Variants in SH3D19 observed in about 807,000 individuals in gnomAD.
SH3D19 encodes the protein SH3 domain containing 19, also known as SH3 domain-containing protein 19.
A neutral mutation model predicts 112.1 loss-of-function variants in SH3D19; 58 were observed. The ratio of observed to expected loss-of-function variants is 0.52; its 90% CI spans 0.42 to 0.64. The LOEUF is 0.64. SH3D19 is among the 30% of genes least tolerant of loss of function. The pLI is 0.00. For missense variants in SH3D19, 1,090 were observed against 1,263.4 expected, an observed-to-expected ratio of 0.86 and a Z score of 2.08; for synonymous variants, 391 against 448.5, an observed-to-expected ratio of 0.87 and a Z score of 1.62.
intron 2 of SH3D19, among the ~76,000 whole-genome samples, chr4:151,206,313 T>TTG (rs369825534): frequency 2.0e-5 from 3 of 152,128 alleles, no homozygotes; most frequent in Non-Finnish European, 4.4e-5. Context: ...AAGGTTTTTT[T>TTG]TGTGTGTGTG....
intron 1 of SH3D19, among the ~76,000 whole-genome samples, chr4:151,276,513 C>T (rs1291892739): frequency 6.6e-6 from 1 of 152,132 alleles, no homozygotes; most frequent in Non-Finnish European, 1.5e-5. Context: ...CTTCTTAGCT[C>T]AGTACAGAAA....
Position 151,179,352 on chromosome 4 carries a change from T to C in SH3D19, c.236+3A>G. 1 of 1,226,066 alleles carries C rather than the reference T, an allele frequency of 8.2e-7. No individual in the cohort carries two copies. The highest frequency in any genetic ancestry group is 1.0e-6 in the Non-Finnish European group (1 of 982,654). 75.9% of individuals were successfully genotyped at this position (1,226,066 alleles called of 1,614,324 possible). ...ATGTCCTCCATTATAAATATAACCA[T>C]ACCTTCTATCTCGATGAAGTTCACT... On this transcript the variant is annotated splice_donor_region_variant and intron_variant, in intron 4 of 19. Transcript: ENST00000604030.
intron 1 of SH3D19, among the ~76,000 whole-genome samples, chr4:151,242,982 G>T (rs1770674702): frequency 6.6e-6 from 1 of 152,198 alleles, no homozygotes; most frequent in Non-Finnish European, 1.5e-5. Context: ...AAGAGAATAT[G>T]CAGAAGAAAT....
At chr4:151,263,810 T>C (rs1772562031) in intron 1 of SH3D19, among the ~76,000 whole-genome samples, 1 of 113,306 alleles carries the variant, frequency 8.8e-6, no homozygotes, top group African/African-American at 2.7e-5. Context: ...TTGTTGTTGT[T>C]GTTGTTGTTG....
intron 7 of SH3D19, among the ~76,000 whole-genome samples, chr4:151,169,909 C>T (rs1561273536): frequency 6.6e-6 from 1 of 152,134 alleles, no homozygotes; most frequent in Non-Finnish European, 1.5e-5. Flanking sequence ...ACAAACAAAA[C>T]AACCTGAATG....
At chr4:151,192,094 G>A (rs758068072) in intron 2 of SH3D19, among the ~76,000 whole-genome samples, 6 of 145,462 alleles carry the variant, frequency 4.1e-5, no homozygotes, top group Admixed American at 1.4e-4. Context: ...CAGGTGCCAC[G>A]ACCAGCTAAT....
intron 1 of SH3D19, among the ~76,000 whole-genome samples, chr4:151,231,400 A>C (rs1401492603): frequency 6.6e-6 from 1 of 152,188 alleles, no homozygotes; most frequent in Non-Finnish European, 1.5e-5. Flanking sequence ...CATACACTTG[A>C]AAAGAAGGCA....
chr4:151,295,364 G>A (rs1278126916), intron 1 of SH3D19, among the ~76,000 whole-genome samples: 1 of 152,228 alleles, frequency 6.6e-6, no homozygotes, highest in Non-Finnish European at 1.5e-5. Flanking sequence ...AGAGCTGAGT[G>A]AAACAAGGAC....
chr4:151,229,384 G>C (rs922627918), intron 1 of SH3D19, among the ~76,000 whole-genome samples: 4 of 152,134 alleles, frequency 2.6e-5, no homozygotes, highest in African/African-American at 7.2e-5. Flanking sequence ...ACTTATTCCA[G>C]GGGCCTGCCC....
At position 151,132,461 on chromosome 4, in the gene SH3D19, T is replaced by TGAGGTGG. The variant is rs1309118730; in HGVS notation, c.2690-85_2690-79dup. 10 of 1,334,824 alleles carry TGAGGTGG rather than the reference T, an allele frequency of 7.5e-6. No homozygotes were observed. The African/African-American group carries it at 1.3e-4, about 17-fold the overall frequency. 82.7% of individuals were successfully genotyped at this position (1,334,824 alleles called of 1,614,324 possible). ...CCACATAGTATTAAAAACAAATGGT[T>TGAGGTGG]GAGGTGGGAGGTGGGAGTGAAGACT... On this transcript the variant is annotated intron_variant, in intron 16 of 19. Coordinates refer to ENST00000604030, the MANE Select transcript of SH3D19 (RefSeq NM_001378122.1).
chr4:151,214,396 A>T (rs1766549299), intron 2 of SH3D19, among the ~76,000 whole-genome samples: 1 of 96,930 alleles, frequency 1.0e-5, no homozygotes, highest in Admixed American at 1.2e-4. Flanking sequence ...CACCTCCCAG[A>T]CGGGGTGGTG....
intron 2 of SH3D19, among the ~76,000 whole-genome samples, chr4:151,222,000 C>T (rs1043181309): frequency 6.6e-6 from 1 of 152,214 alleles, no homozygotes; most frequent in African/African-American, 2.4e-5. Context: ...GAGCAAGGAG[C>T]TGGAGCCATC....
intron 8 of SH3D19, 103 bp from the exon 9 acceptor site, chr4:151,159,455 G>C (rs1156866940): frequency 5.8e-6 from 4 of 690,158 alleles, no homozygotes; most frequent in Non-Finnish European, 9.7e-6. Context: ...TATCATAAAA[G>C]ATACACACAA....
At chr4:151,134,167 T>C (rs530614199) in intron 15 of SH3D19, among the ~76,000 whole-genome samples, 2 of 152,362 alleles carry the variant, frequency 1.3e-5, no homozygotes, top group African/African-American at 4.8e-5. Flanking sequence ...AATTCAACTA[T>C]TGTGGATCAG....
At chr4:151,146,514 C>T (rs80135261) in intron 11 of SH3D19, among the ~76,000 whole-genome samples, 1 of 151,950 alleles carries the variant, frequency 6.6e-6, no homozygotes, top group East Asian at 1.9e-4. Flanking sequence ...GAGAACACAT[C>T]AACTGTTTTT....
chr4:151,135,380 C>T (rs964454885), intron 14 of SH3D19, among the ~76,000 whole-genome samples: 1 of 148,384 alleles, frequency 6.7e-6, no homozygotes, highest in African/African-American at 2.5e-5. Flanking sequence ...GGAATAACCA[C>T]ATTAATATCA....
intron 9 of SH3D19, among the ~76,000 whole-genome samples, chr4:151,154,136 T>A (rs1755613897): frequency 7.5e-6 from 1 of 133,778 alleles, no homozygotes; most frequent in African/African-American, 3.8e-5. Flanking sequence ...TGATTTTTTT[T>A]TTTTTTTTTT....
intron 1 of SH3D19, among the ~76,000 whole-genome samples, chr4:151,284,762 G>A (rs892550113): frequency 3.9e-5 from 6 of 152,094 alleles, no homozygotes; most frequent in Admixed American, 6.5e-5. Context: ...CTGTTTCAAC[G>A]GGAAGTCAAC....
At chr4:151,140,106 G>C (rs981077874) in intron 12 of SH3D19, 1 of 414,436 alleles carries the variant, frequency 2.4e-6, no homozygotes, top group Admixed American at 4.1e-5. Context: ...TTTAAGCTGA[G>C]AGAGTAAAAC....
Sources: allele counts gnomAD v4.1 joint callset (sites outside exome capture counted in the v4.1 genomes callset), GRCh38; gene constraint gnomAD v4.1.1; transcripts MANE v1.5; gene names NCBI Gene and HGNC (gene_info 2026-07-23, HGNC 2026-07-21).